The following CPNE4 variants were observed in gnomAD, a reference collection of about 807,000 sequenced individuals.
CPNE4 encodes the protein copine-4.
CPNE4 carries 25 observed loss-of-function variants against 67.9 expected under a neutral mutation model. The observed-to-expected ratio is 0.37, with a 90% CI of 0.27 to 0.51. CPNE4 has a LOEUF of 0.51. Ranked by LOEUF, CPNE4 falls within the 20% of genes least tolerant of loss-of-function variation. The pLI, the probability that CPNE4 is intolerant of heterozygous loss-of-function variation, is 0.93. For missense variants in CPNE4, 464 were observed against 690.8 expected (o/e 0.67, Z 3.68); for synonymous variants, 242 against 244.9 (o/e 0.99, Z 0.11).
At position 131,620,881 on chromosome 3, in the gene CPNE4, G is replaced by T. The variant is rs996429769; in HGVS notation, c.682-33299C>A. Among the ~76,000 whole-genome samples, 34 of 152,074 alleles carry T rather than the reference G, an allele frequency of 2.2e-4. 1 individual carries two copies. Among genetic ancestry groups the T allele is most frequent in the Admixed American group, 2.2e-3 (33 of 15,268 alleles). On this transcript the variant is annotated intron_variant, in intron 7 of 15. Transcript: ENST00000429747. ...TTTTAGCCTAGAGAGACTAATTTTG[G>T]GTTTCTAATATCCAGAACTATAAGA...
At chr3:131,736,733 C>G (rs116789374) in intron 2 of CPNE4, among the ~76,000 whole-genome samples, 2,428 of 152,078 alleles carry the variant, frequency 0.016, 31 homozygotes, top group Non-Finnish European at 0.026. Flanking sequence ...GCTGTCTGGG[C>G]CTTGTCTCTA....
chr3:131,577,032 C>T (rs571774263), intron 9 of CPNE4, among the ~76,000 whole-genome samples: 2 of 151,814 alleles, frequency 1.3e-5, no homozygotes, highest in Admixed American at 6.6e-5. Context: ...AGTAGTCCCT[C>T]TTAGGTTCAT....
chr3:131,777,310 G>A (rs533629425), intron 2 of CPNE4, among the ~76,000 whole-genome samples: 3 of 151,784 alleles, frequency 2.0e-5, no homozygotes, highest in East Asian at 3.9e-4. Context: ...CAGACAGAAA[G>A]GGATGTGAGA....
At chr3:131,854,685 A>C (rs73203854) in intron 2 of CPNE4, among the ~76,000 whole-genome samples, 11,586 of 151,770 alleles carry the variant, frequency 0.076, 565 homozygotes, top group East Asian at 0.17. Flanking sequence ...AAATTATTCA[A>C]CATCTTTAGG....
intron 1 of CPNE4, among the ~76,000 whole-genome samples, chr3:131,941,333 G>A (rs1272384322): frequency 2.0e-5 from 3 of 151,960 alleles, no homozygotes; most frequent in Non-Finnish European, 4.4e-5. Context: ...CATTATATAT[G>A]TAGTAAGGAA....
chr3:131,952,248 G>T (rs1225008), intron 1 of CPNE4, among the ~76,000 whole-genome samples: 3 of 150,780 alleles, frequency 2.0e-5, no homozygotes, highest in East Asian at 2.1e-4. Context: ...GCCTCTGCCC[G>T]GCCGCGAACC....
intron 1 of CPNE4, among the ~76,000 whole-genome samples, chr3:131,957,383 G>C (rs2072009682): frequency 6.6e-6 from 1 of 152,182 alleles, no homozygotes; most frequent in South Asian, 2.1e-4. Context: ...TCAGCACCAG[G>C]TACCCAGTAA....
chr3:131,741,103 G>A (rs1378818880), intron 2 of CPNE4, among the ~76,000 whole-genome samples: 1 of 152,006 alleles, frequency 6.6e-6, no homozygotes, highest in African/African-American at 2.4e-5. Flanking sequence ...TCCATTTGCT[G>A]CTTTAATTTT....
chr3:131,598,518 A>G (rs1939018963), intron 7 of CPNE4, among the ~76,000 whole-genome samples: 2 of 152,338 alleles, frequency 1.3e-5, no homozygotes, highest in East Asian at 3.9e-4. Context: ...GATCCTCACC[A>G]GAGGTCCATG....
chr3:131,565,098 A>C (rs1209325819), intron 10 of CPNE4, among the ~76,000 whole-genome samples: 1 of 152,016 alleles, frequency 6.6e-6, no homozygotes, highest in Non-Finnish European at 1.5e-5. Context: ...AACACTTCTT[A>C]ATAACAAAAG....
intron 1 of CPNE4, among the ~76,000 whole-genome samples, chr3:131,937,791 T>C (rs190171710): frequency 8.0e-4 from 122 of 152,104 alleles, no homozygotes; most frequent in Non-Finnish European, 3.1e-4. Context: ...TCATTTAAAA[T>C]TGAAAAATCA....
At chr3:131,814,199 G>A (rs1016831527) in intron 2 of CPNE4, among the ~76,000 whole-genome samples, 2 of 152,164 alleles carry the variant, frequency 1.3e-5, no homozygotes, top group African/African-American at 4.8e-5. Context: ...CAGTCTCAGA[G>A]GCTTAAAATG....
chr3:131,878,812 A>G (rs2087555586), intron 2 of CPNE4, among the ~76,000 whole-genome samples: 1 of 152,206 alleles, frequency 6.6e-6, no homozygotes, highest in South Asian at 2.1e-4. Context: ...CTTCCAAACA[A>G]TCAAATACAG....
intron 11 of CPNE4, among the ~76,000 whole-genome samples, chr3:131,562,631 A>G (rs909333146): frequency 5.3e-5 from 8 of 152,128 alleles, no homozygotes; most frequent in Non-Finnish European, 1.2e-4. Flanking sequence ...TGTGGTATAA[A>G]GAAGGAAGAA....
At chr3:131,915,800 T>C (rs371464069) in intron 1 of CPNE4, among the ~76,000 whole-genome samples, 5 of 152,316 alleles carry the variant, frequency 3.3e-5, no homozygotes, top group South Asian at 2.1e-4. Flanking sequence ...AATGTGCATA[T>C]GGAATCAGAT....
chr3:131,645,626 A>C (rs999080167), intron 7 of CPNE4, among the ~76,000 whole-genome samples: 1 of 152,244 alleles, frequency 6.6e-6, no homozygotes, highest in Non-Finnish European at 1.5e-5. Context: ...GTTTTGATAA[A>C]GTAAGCAATT....
chr3:131,669,651 A>G (rs373261466), intron 7 of CPNE4, 24 bp downstream of exon 7: 37 of 1,554,280 alleles, frequency 2.4e-5, no homozygotes, highest in Non-Finnish European at 5.3e-6. Context: ...AAAAAATCAC[A>G]TTTCTTGGAC....
chr3:131,566,939 A>G (rs913664128), intron 10 of CPNE4, among the ~76,000 whole-genome samples: 1 of 151,996 alleles, frequency 6.6e-6, no homozygotes, highest in African/African-American at 2.4e-5. Context: ...TTATCTAAAA[A>G]GTGAATCATT....
chr3:131,543,821 A>G (rs984555723), intron 14 of CPNE4, among the ~76,000 whole-genome samples: 1 of 152,206 alleles, frequency 6.6e-6, no homozygotes, highest in Non-Finnish European at 1.5e-5. Flanking sequence ...ATGTGCCACA[A>G]AGGTGGCAGC....
Sources: gnomAD v4.1 joint callset for allele counts (sites outside exome capture counted in the v4.1 genomes callset) on GRCh38, gnomAD v4.1.1 for gene constraint, MANE v1.5 for transcripts, NCBI Gene and HGNC (gene_info 2026-07-23, HGNC 2026-07-21) for gene names.